Variants in ZNF618 observed in about 807,000 individuals in gnomAD.
ZNF618 encodes the protein neural precursor cell expressed, developmentally down-regulated 10.
In ZNF618, 34 loss-of-function variants were observed where a neutral mutation model predicts 103.0. The observed-to-expected ratio is 0.33, with a 90% CI of 0.25 to 0.44. The LOEUF (loss-of-function observed/expected upper bound fraction) is 0.44. Ranked by LOEUF, ZNF618 falls within the 20% of genes least tolerant of loss-of-function variation. ZNF618 has a pLI of 1.00. For missense variants in ZNF618, 1,059 were observed against 1,295.4 expected, an observed-to-expected ratio of 0.82 and a Z score of 2.80; for synonymous variants, 551 against 542.2, an observed-to-expected ratio of 1.02 and a Z score of -0.23.
intron 1 of ZNF618, among the ~76,000 whole-genome samples, chr9:113,942,595 A>C (rs1004327627): frequency 2.6e-5 from 4 of 152,216 alleles, no homozygotes; most frequent in Non-Finnish European, 5.9e-5. Flanking sequence ...TGCATGCAGT[A>C]GGTGCTCAAG....
At chr9:113,883,763 G>A (rs1203477804) in intron 1 of ZNF618, among the ~76,000 whole-genome samples, 4 of 152,088 alleles carry the variant, frequency 2.6e-5, no homozygotes, top group Admixed American at 1.3e-4. Context: ...ATATTCCCAC[G>A]TTTCCATATT....
At chr9:114,048,626 C>T (rs1845868742) in intron 14 of ZNF618, 25 bp from the exon 15 acceptor site, 3 of 1,589,484 alleles carry the variant, frequency 1.9e-6, no homozygotes, top group East Asian at 2.2e-5. Flanking sequence ...GAATTAATCC[C>T]ATCTGTCTTT....
intron 3 of ZNF618, among the ~76,000 whole-genome samples, chr9:113,996,333 G>C (rs964490407): frequency 7.2e-5 from 11 of 152,164 alleles, no homozygotes. Flanking sequence ...CCAGCCTTCT[G>C]TCCCTACCCT....
At chr9:113,992,456 G>A (rs569009522) in intron 3 of ZNF618, among the ~76,000 whole-genome samples, 1 of 152,244 alleles carries the variant, frequency 6.6e-6, no homozygotes, top group Admixed American at 6.5e-5. Context: ...GTGCTGGTTA[G>A]AGCTTGCTTT....
chr9:114,028,586 G>T (rs1230727758), intron 10 of ZNF618, 147 bp from the exon 11 acceptor site: 2 of 1,225,636 alleles, frequency 1.6e-6, no homozygotes, highest in Non-Finnish European at 2.2e-6. Context: ...CTGGCTCTGA[G>T]TTAAGTGAGA....
chr9:113,944,513 T>C (rs751737794), intron 1 of ZNF618, among the ~76,000 whole-genome samples: 7 of 152,204 alleles, frequency 4.6e-5, no homozygotes, highest in Non-Finnish European at 8.8e-5. Flanking sequence ...TCCTGGCCTC[T>C]AGTGATCTGC....
chr9:113,968,193 T>C (rs1837600900), intron 1 of ZNF618, among the ~76,000 whole-genome samples: 1 of 152,210 alleles, frequency 6.6e-6, no homozygotes, highest in Non-Finnish European at 1.5e-5. Flanking sequence ...TATGTAGGGT[T>C]ACCTATGCAT....
intron 10 of ZNF618, among the ~76,000 whole-genome samples, chr9:114,026,917 G>A (rs559136889): frequency 2.6e-4 from 40 of 152,232 alleles, no homozygotes; most frequent in African/African-American, 9.1e-4. Context: ...CCAAGATTGT[G>A]GAGGCCGAGG....
Position 113,883,982 on chromosome 9 carries a change from G to GCCCCGCCCCC in ZNF618, c.33+7573_33+7574insGCCCCCCCCC, listed in dbSNP as rs1828781218. Among the ~76,000 whole-genome samples, 3 of 29,708 alleles carry GCCCCGCCCCC rather than the reference G, an allele frequency of 1.0e-4. 1 individual carries two copies. Among genetic ancestry groups the GCCCCGCCCCC allele is most frequent in the African/African-American group, 4.6e-4 (3 of 6,462 alleles). The allele number at this position is 29,708 out of a possible 152,430, so 19.5% of individuals were successfully genotyped here. On this transcript the variant is annotated intron_variant, in intron 1 of 14. Transcript: ENST00000374126. ...TTTACCTCACTTTTCTCTGGGCTTG[G>GCCCCGCCCCC]CCCCCCCCCCCCCCCCCCCCGCCCT...
chr9:114,050,188 A>C lies in ZNF618; in HGVS notation c.*21A>C. ...TTTAAGACTTGACTTCGGGGGAAAAAAAAAGAAAAAGAGAAGATAACATTA... is the reference window on the plus strand; with the variant it reads ...TTTAAGACTTGACTTCGGGGGAAAACAAAAGAAAAAGAGAAGATAACATTA... On this transcript the variant is annotated 3_prime_UTR_variant, in exon 15 of 15. Coordinates refer to ENST00000374126, the MANE Select transcript of ZNF618 (RefSeq NM_001318042.2). 6.6e-7 allele frequency: 1 copy of C among 1,520,344 alleles called. No homozygotes were observed. 94.2% of individuals were successfully genotyped at this position (1,520,344 alleles called of 1,614,324 possible).
chr9:113,947,449 A>G (rs1278370082), intron 1 of ZNF618, among the ~76,000 whole-genome samples: 4 of 152,198 alleles, frequency 2.6e-5, no homozygotes, highest in Admixed American at 2.6e-4. Context: ...GACACCAGCC[A>G]GGTCCTCCTG....
intron 1 of ZNF618, among the ~76,000 whole-genome samples, chr9:113,927,877 C>T (rs182270300): frequency 2.0e-5 from 3 of 152,290 alleles, no homozygotes; most frequent in Non-Finnish European, 4.4e-5. Flanking sequence ...TGGAAGTTTT[C>T]GTCTTTCAAG....
chr9:113,997,430 A>G (rs1840727303), intron 3 of ZNF618, among the ~76,000 whole-genome samples: 1 of 152,104 alleles, frequency 6.6e-6, no homozygotes. Flanking sequence ...GCTTTCCAAG[A>G]AGCTAGTTGT....
chr9:114,025,264 C>T (rs528526961), intron 10 of ZNF618, among the ~76,000 whole-genome samples: 1 of 152,356 alleles, frequency 6.6e-6, no homozygotes, highest in Admixed American at 6.5e-5. Context: ...CATTTGCCTC[C>T]AATGCAGTTT....
intron 1 of ZNF618, among the ~76,000 whole-genome samples, chr9:113,909,399 C>T (rs1405306882): frequency 6.6e-6 from 1 of 152,096 alleles, no homozygotes; most frequent in Non-Finnish European, 1.5e-5. Flanking sequence ...GGGGAAAAAT[C>T]AGGTGGCTTC....
chr9:113,935,144 C>G (rs1833923528), intron 1 of ZNF618, among the ~76,000 whole-genome samples: 1 of 152,182 alleles, frequency 6.6e-6, no homozygotes, highest in African/African-American at 2.4e-5. Flanking sequence ...CGAGGGTCCC[C>G]TAACCTGGCA....
In ZNF618 at chr9:113,911,349, A is replaced by G. The variant is rs78604580; in HGVS notation, c.33+34936A>G. Among the ~76,000 whole-genome samples the G allele has an allele frequency of 4.7e-3, 717 of 152,114 alleles. 31 individuals are homozygous for G. In the East Asian group the frequency reaches 0.13, roughly 27 times the overall value. On this transcript the variant is annotated intron_variant, in intron 1 of 14. Coordinates refer to ENST00000374126, the MANE Select transcript of ZNF618 (RefSeq NM_001318042.2). ...ATTGTTTTTGTTTTGTTTTTTTGAG[A>G]TGGAGTTTCACTCTAGTCACCCAGG... is the stretch of plus-strand genomic sequence containing the variant.
Position 113,969,147 on chromosome 9 carries a change from AG to A in ZNF618, c.65del (p.Ser22ThrfsTer8). ...ADGASAAGRK[S>X]TASRERLKRS... ...CGGAGCCAGTGCAGCCGGAAGGAAA[AG>A]CACTGCGAGCAGGTACACTCCCTCT... On this transcript the variant is annotated frameshift_variant, in exon 2 of 15. Transcript: ENST00000374126. LOFTEE classifies it high-confidence loss of function. 5 of 1,613,950 alleles carry A rather than the reference AG, an allele frequency of 3.1e-6. No individual in the cohort carries two copies. The highest frequency in any genetic ancestry group is 4.2e-6 in the Non-Finnish European group (5 of 1,179,878).
chr9:114,035,686 AG>A (rs1209917879), intron 12 of ZNF618, among the ~76,000 whole-genome samples: 1 of 150,580 alleles, frequency 6.6e-6, no homozygotes, highest in Non-Finnish European at 1.5e-5. Flanking sequence ...TAGAGAGCTG[AG>A]TGATCCAGGC....
Sources: gnomAD v4.1 joint callset for allele counts (sites outside exome capture counted in the v4.1 genomes callset) on GRCh38, gnomAD v4.1.1 for gene constraint, MANE v1.5 for transcripts, NCBI Gene and HGNC (gene_info 2026-07-23, HGNC 2026-07-21) for gene names.